The following ODF2 variants were observed in gnomAD, a reference collection of about 807,000 sequenced individuals.
The protein encoded by ODF2 is outer dense fiber protein 2.
A neutral mutation model predicts 110.2 loss-of-function variants in ODF2; 47 were observed. The observed-to-expected ratio is 0.43, with a 90% confidence interval of 0.34 to 0.54. The LOEUF (loss-of-function observed/expected upper bound fraction) is 0.54. Among genes scored for constraint, ODF2 ranks in the 20% least tolerant of loss-of-function variants. The pLI, the probability that ODF2 is intolerant of heterozygous loss-of-function variation, is 0.03. For missense variants in ODF2, 812 were observed against 1,054.5 expected (o/e 0.77, Z 3.19); for synonymous variants, 352 against 397.7 (o/e 0.89, Z 1.37).
chr9:128,455,553 C>CAA (rs55634490), upstream of ODF2, among the ~76,000 whole-genome samples: 2 of 56,846 alleles, frequency 3.5e-5, 1 homozygote, highest in East Asian at 1.1e-3. Context: ...GAATCTGTCT[C>CAA]AAAAAAAAAA....
Position 128,485,572 on chromosome 9 carries a change from T to G in ODF2, c.1400+98T>G. The G allele has an allele frequency of 3.0e-6, 2 of 674,598 alleles. No individual in the cohort carries two copies. Among genetic ancestry groups the G allele is most frequent in the Non-Finnish European group, 5.4e-6 (2 of 370,732 alleles). The allele number at this position is 674,598 out of a possible 1,614,324, so 41.8% of individuals were successfully genotyped here. Reference sequence around the variant, plus strand: ...GGCTCAGGGAAGGCCACGTGGCTGCTGTTTGTACTCTCCGGGTTGGGGGCT... The same window carrying G: ...GGCTCAGGGAAGGCCACGTGGCTGCGGTTTGTACTCTCCGGGTTGGGGGCT... On this transcript the variant is annotated intron_variant, in intron 13 of 20. Transcript: ENST00000604420. This position sits in a 1 kb window ranked among gnomAD's most constrained non-coding sequence, Gnocchi z 5.0.
rs1564510946 is a variant in ODF2, at chr9:128,485,460, T to C, written c.1386T>C (p.Ile462=). The change falls in exon 13 of 21, where the codon ATT becomes ATC. Residue 462 remains isoleucine, a synonymous_variant. Coordinates refer to ENST00000604420, the Ensembl canonical transcript of ODF2. The surrounding 1 kb of genome is among the most constrained non-coding windows in gnomAD (Gnocchi z 5.0). ...AAAAGGGAGACCTTGAGCTGGAAAT[T>C]ATTGTCCTGAATGAGTACGTCTTAG... is the stretch of plus-strand genomic sequence containing the variant. The C allele has an allele frequency of 5.0e-6, 8 of 1,584,620 alleles. No individual in the cohort carries two copies. Among genetic ancestry groups the C allele is most frequent in the Non-Finnish European group, 6.9e-6 (8 of 1,153,670 alleles).
chr9:128,471,134 G>A (rs548554242), intron 5 of ODF2, among the ~76,000 whole-genome samples, 174 bp from the exon 6 acceptor site: 1 of 152,188 alleles, frequency 6.6e-6, no homozygotes, highest in African/African-American at 2.4e-5. Flanking sequence ...GGCTGGTCTC[G>A]AACTCCTGAC....
chr9:128,470,018 A>AATATATATATAT (rs769896764), intron 5 of ODF2, among the ~76,000 whole-genome samples: 212 of 16,908 alleles, frequency 0.013, 1 homozygote, highest in African/African-American at 0.018. Context: ...AAAAAAAAAA[A>AATATATATATAT]ATATATATAT....
chr9:128,496,205 T>C, intron 18 of ODF2, 64 bp downstream of exon 18: 3 of 1,606,912 alleles, frequency 1.9e-6, no homozygotes, highest in Non-Finnish European at 1.7e-6. Flanking sequence ...GCCACTTAGC[T>C]GTTTTTTGCT....
At chr9:128,479,429 C>A (rs1429687034) in intron 8 of ODF2, among the ~76,000 whole-genome samples, 1 of 152,178 alleles carries the variant, frequency 6.6e-6, no homozygotes, top group Non-Finnish European at 1.5e-5. Flanking sequence ...TAGAGAAGTG[C>A]AAATGAAACC....
At chr9:128,462,009 A>T (rs1160053244) in intron 4 of ODF2, among the ~76,000 whole-genome samples, 1 of 152,194 alleles carries the variant, frequency 6.6e-6, no homozygotes, top group East Asian at 1.9e-4. Context: ...ATACTTCACT[A>T]ATAATCAGTG....
exon 21 of ODF2, chr9:128,500,473 G>T (rs921409738): frequency 5.4e-5 from 29 of 532,270 alleles, no homozygotes; most frequent in Non-Finnish European, 9.3e-5. Context: ...TGTTGGAAGT[G>T]TTAAAATTTC....
intron 1 of ODF2, chr9:128,457,002 T>C (rs948209288): frequency 5.6e-6 from 7 of 1,248,556 alleles, no homozygotes; most frequent in Middle Eastern, 3.3e-4. Context: ...GGGGCCCACT[T>C]GGGGCCGAGC....
chr9:128,456,457 G>A, intron 1 of ODF2: 2 of 1,517,250 alleles, frequency 1.3e-6, no homozygotes, highest in Non-Finnish European at 1.8e-6. Context: ...CCCGCTAACG[G>A]GCGGTCGGCC....
intron 1 of ODF2, chr9:128,456,486 C>T: frequency 6.6e-7 from 1 of 1,525,690 alleles, no homozygotes; most frequent in Non-Finnish European, 8.8e-7. Context: ...CCTCTCTTGG[C>T]TACCACGGGG....
intron 4 of ODF2, among the ~76,000 whole-genome samples, chr9:128,466,466 C>CA (rs11326501): frequency 1.6e-4 from 22 of 138,272 alleles, no homozygotes; most frequent in African/African-American, 4.3e-4. Context: ...GACCCCATCT[C>CA]AAAAAAAAAA....
At chr9:128,500,793 C>T (rs1589029945), downstream of ODF2, 1 of 153,028 alleles carries the variant, frequency 6.5e-6, no homozygotes, top group Non-Finnish European at 1.5e-5. Flanking sequence ...GCCACTTGCC[C>T]CCAAGCACTT....
chr9:128,467,517 G>A (rs1385671785), intron 4 of ODF2, among the ~76,000 whole-genome samples: 1 of 151,842 alleles, frequency 6.6e-6, no homozygotes, highest in South Asian at 2.1e-4. Context: ...GGCCAAGACG[G>A]GCTTATCACC....
At chr9:128,486,493 T>C (rs1327061381) in intron 13 of ODF2, among the ~76,000 whole-genome samples, 1 of 152,200 alleles carries the variant, frequency 6.6e-6, no homozygotes, top group Non-Finnish European at 1.5e-5. Flanking sequence ...GCCTAGTCAG[T>C]GTTCAGTGGT....
At chr9:128,475,286 C>T (rs1841018880) in intron 8 of ODF2, among the ~76,000 whole-genome samples, 1 of 152,024 alleles carries the variant, frequency 6.6e-6, no homozygotes, top group African/African-American at 2.4e-5. Flanking sequence ...TTTTGGTATC[C>T]ACAGAATGTC....
intron 4 of ODF2, among the ~76,000 whole-genome samples, chr9:128,467,497 C>A (rs1435711928): frequency 6.6e-6 from 1 of 151,924 alleles, no homozygotes; most frequent in Non-Finnish European, 1.5e-5. Context: ...GAAATCCCAG[C>A]ACTTTGGGAG....
intron 17 of ODF2, among the ~76,000 whole-genome samples, chr9:128,495,473 T>C (rs1845420758): frequency 6.6e-6 from 1 of 152,268 alleles, no homozygotes; most frequent in Admixed American, 6.5e-5. Context: ...TTCTCAGTAC[T>C]GTAACCTTAC....
chr9:128,487,824 C>T, intron 13 of ODF2, 66 bp from the exon 14 acceptor site: 1 of 1,569,084 alleles, frequency 6.4e-7, no homozygotes, highest in Non-Finnish European at 8.7e-7. Flanking sequence ...CACACACACA[C>T]ACACACACAC....
Sources: gnomAD v4.1 joint callset for allele counts (sites outside exome capture counted in the v4.1 genomes callset) on GRCh38, gnomAD v4.1.1 for gene constraint, Gnocchi (gnomAD v3.1) non-coding constraint, MANE v1.5 for transcripts, NCBI Gene and HGNC (gene_info 2026-07-23, HGNC 2026-07-21) for gene names.